The following TNC variants were observed in gnomAD, a reference collection of about 807,000 sequenced individuals.
TNC encodes the protein tenascin.
Under a neutral mutation model 202.4 loss-of-function variants are expected in TNC, and 109 were observed. The observed-to-expected ratio is 0.54, with a 90% CI of 0.46 to 0.63. TNC has a LOEUF of 0.63. Among genes scored for constraint, TNC ranks in the 30% least tolerant of loss-of-function variants. The probability of loss-of-function intolerance (pLI) is 0.00; values close to 1 mark genes in which losing one functional copy is unlikely to be tolerated. For synonymous variants in TNC, 1,007 were observed against 1,089.7 expected (o/e 0.92, Z 1.50); for missense variants, 2,756 against 2,833.3 (o/e 0.97, Z 0.62).
chr9:115,079,740 T>C (rs1408540480), intron 6 of TNC, among the ~76,000 whole-genome samples: 1 of 152,210 alleles, frequency 6.6e-6, no homozygotes, highest in Non-Finnish European at 1.5e-5. Flanking sequence ...TCCAAGGTGA[T>C]GGTGAATGGT....
Position 115,091,014 on chromosome 9 carries a change from C to T in TNC, c.5G>A (p.Gly2Glu), listed in dbSNP as rs758561856. 8 of 1,609,178 alleles carry T rather than the reference C, an allele frequency of 5.0e-6. No individual in the cohort carries two copies. M[G>E]AMTQLLAGVF... ...ACCTGCCAACAGCTGAGTCATGGCC[C>T]CCATGGTGGAGGTGGGTTTGGCTGG... is the stretch of plus-strand genomic sequence containing the variant. The change falls in exon 2 of 28, where the codon GGG (glycine) becomes GAG (glutamate). Residue 2 changes from glycine (G) to glutamate (E), a missense_variant. By Grantham distance (98) the Gly-to-Glu change is moderately conservative. Coordinates refer to ENST00000350763, the MANE Select transcript of TNC (RefSeq NM_002160.4).
intron 1 of TNC, among the ~76,000 whole-genome samples, chr9:115,096,410 A>G (rs1397659455): frequency 6.6e-6 from 1 of 152,268 alleles, no homozygotes; most frequent in African/African-American, 2.4e-5. Flanking sequence ...TGTGGTTACA[A>G]TATGAGACAG....
intron 1 of TNC, among the ~76,000 whole-genome samples, chr9:115,098,043 A>G (rs1396029677): frequency 6.6e-6 from 1 of 152,176 alleles, no homozygotes; most frequent in East Asian, 1.9e-4. Context: ...TGGTACATTT[A>G]TGGCCCCAGC....
At chr9:115,028,400 G>T (rs990533287) in intron 25 of TNC, among the ~76,000 whole-genome samples, 1 of 152,122 alleles carries the variant, frequency 6.6e-6, no homozygotes, top group Non-Finnish European at 1.5e-5. Flanking sequence ...TGCTATGGGG[G>T]TTAAATATTA....
In TNC at chr9:115,077,986, T is replaced by A; in HGVS notation, c.2631A>T (p.Arg877Ser). 1.2e-6 allele frequency: 2 copies of A among 1,614,220 alleles called. No individual in the cohort carries two copies. Among genetic ancestry groups the A allele is most frequent in the Non-Finnish European group, 1.7e-6 (2 of 1,180,030 alleles). ...TGGCTGGGTTGCTTGACATGTCACC[T>A]CTGCGGGAGATGAGGGACACCTCGT... ...TEYEVSLISR[R>S]GDMSSNPAKE... The change falls in exon 7 of 28, where the codon AGA becomes AGT. Residue 877 changes from arginine to serine, a missense_variant. Physicochemically the swap from Arg to Ser is moderately radical, Grantham distance 110. Transcript: ENST00000350763.
At chr9:115,040,102 C>G (rs368148194) in intron 19 of TNC, among the ~76,000 whole-genome samples, 16 of 152,306 alleles carry the variant, frequency 1.1e-4, no homozygotes, top group African/African-American at 2.9e-4. Context: ...TCCTTCAATG[C>G]AATTCATTAT....
intron 7 of TNC, among the ~76,000 whole-genome samples, chr9:115,077,632 C>T (rs1003240292): frequency 3.9e-5 from 6 of 152,188 alleles, no homozygotes; most frequent in African/African-American, 1.4e-4. Context: ...ATATGTTTTC[C>T]ATATACCATA....
chr9:115,048,385 G>C lies in TNC; in HGVS notation c.4727C>G (p.Thr1576Arg). The C allele has an allele frequency of 6.2e-7, 1 of 1,614,084 alleles. No individual in the cohort carries two copies. Among genetic ancestry groups the C allele is most frequent in the African/African-American group, 1.3e-5 (1 of 75,030 alleles). Residue 1576 changes from threonine to arginine, a missense_variant, in exon 16 of 28, where the codon ACA (threonine) becomes AGA (arginine). By Grantham distance (71) the Thr-to-Arg change is moderately conservative (BLOSUM62 -1). Coordinates refer to ENST00000350763, the MANE Select transcript of TNC (RefSeq NM_002160.4). ...SGKLLDPQEF[T>R]LSGTQRKLEL... The stretch of plus-strand genomic sequence containing the variant: ...CAGCTTCCTCTGGGTTCCTGAAAGT[G>C]TGAATTCCTGGGGGTCCAGCAGCTT...
chr9:115,065,901 CAA>C (rs35177151), intron 10 of TNC, among the ~76,000 whole-genome samples: 1,255 of 46,518 alleles, frequency 0.027, 6 homozygotes, highest in African/African-American at 0.099. Flanking sequence ...GACTCCATCT[CAA>C]AAAAAAAAAA....
chr9:115,105,774 A>G (rs895248403), intron 1 of TNC, among the ~76,000 whole-genome samples: 13 of 152,200 alleles, frequency 8.5e-5, no homozygotes, highest in Non-Finnish European at 1.6e-4. Context: ...AGATTTCCTA[A>G]TTAAACACGT....
chr9:115,094,429 A>G (rs567412504), intron 1 of TNC, among the ~76,000 whole-genome samples: 1 of 152,348 alleles, frequency 6.6e-6, no homozygotes, highest in Non-Finnish European at 1.5e-5. Context: ...ATGACCTTTA[A>G]GAATGTAAAA....
chr9:115,058,331 T>C (rs1163870792), intron 14 of TNC, among the ~76,000 whole-genome samples: 1 of 152,226 alleles, frequency 6.6e-6, no homozygotes, highest in East Asian at 1.9e-4. Flanking sequence ...TTTGTTGAGA[T>C]ACAGATCAGA....
chr9:115,097,508 T>C (rs1835887637), intron 1 of TNC, among the ~76,000 whole-genome samples: 1 of 152,160 alleles, frequency 6.6e-6, no homozygotes, highest in Non-Finnish European at 1.5e-5. Context: ...GGCCAACTCA[T>C]ATCCATTGAA....
At chr9:115,073,090 T>G (rs1833579014) in intron 10 of TNC, among the ~76,000 whole-genome samples, 1 of 152,058 alleles carries the variant, frequency 6.6e-6, no homozygotes, top group Non-Finnish European at 1.5e-5. Flanking sequence ...CATGGAAGTC[T>G]CAAAGGGCCG....
intron 24 of TNC, 130 bp from the exon 25 acceptor site, chr9:115,029,586 G>T: frequency 1.1e-6 from 1 of 882,014 alleles, no homozygotes; most frequent in Non-Finnish European, 1.8e-6. Context: ...AATTTGCTAT[G>T]TAACTTTGGG....
At chr9:115,067,740 A>G (rs1833061552) in intron 10 of TNC, among the ~76,000 whole-genome samples, 1 of 152,042 alleles carries the variant, frequency 6.6e-6, no homozygotes, top group South Asian at 2.1e-4. Flanking sequence ...TAGTTGATAG[A>G]GTGATTTTTT....
At chr9:115,054,757 A>G (rs1831974291) in intron 15 of TNC, among the ~76,000 whole-genome samples, 1 of 152,228 alleles carries the variant, frequency 6.6e-6, no homozygotes, top group African/African-American at 2.4e-5. Flanking sequence ...AGCTGCTTCC[A>G]GGAAAAAGAA....
In TNC at chr9:115,031,665, A is replaced by G. The variant is rs1185327749; in HGVS notation, c.5808T>C (p.Asp1936=). 1.2e-6 allele frequency: 2 copies of G among 1,610,398 alleles called. No individual in the cohort carries two copies. Among genetic ancestry groups the G allele is most frequent in the African/African-American group, 1.3e-5 (1 of 74,720 alleles). Residue 1936 remains aspartate, a synonymous_variant, in exon 23 of 28, where the codon GAT becomes GAC. Coordinates refer to ENST00000350763, the MANE Select transcript of TNC (RefSeq NM_002160.4). ...GGTCTGCCAGGCTGTAGGAGGTGGT[A>G]TCTGGACCCACAATGACTTCCTAAG... is the stretch of plus-strand genomic sequence containing the variant. ...GTVKEVIVGP[D]TTSYSLADLS...
chr9:115,041,820 C>T (rs1019929698), intron 18 of TNC, among the ~76,000 whole-genome samples: 2 of 152,168 alleles, frequency 1.3e-5, no homozygotes, highest in African/African-American at 4.8e-5. Context: ...CACAGCTTGC[C>T]ATCATTTGCT....
Sources: gnomAD v4.1 joint callset for allele counts (sites outside exome capture counted in the v4.1 genomes callset) on GRCh38, gnomAD v4.1.1 for gene constraint, MANE v1.5 for transcripts, NCBI Gene and HGNC (gene_info 2026-07-23, HGNC 2026-07-21) for gene names.